Variants in NTN1 observed in about 807,000 individuals in gnomAD.
NTN1 encodes netrin-1.
Under a neutral mutation model 54.2 loss-of-function variants are expected in NTN1, and 11 were observed. The ratio of observed to expected loss-of-function variants is 0.20; its 90% CI spans 0.13 to 0.34. NTN1 has a LOEUF of 0.34. Ranked by LOEUF, NTN1 falls within the 10% of genes least tolerant of loss-of-function variation. The pLI is 1.00. For missense variants in NTN1, 740 were observed against 893.1 expected (o/e 0.83, Z 2.18); for synonymous variants, 371 against 382.0 (o/e 0.97, Z 0.33).
chr17:9,093,056 C>A (rs1343522885), intron 2 of NTN1, among the ~76,000 whole-genome samples: 1 of 152,206 alleles, frequency 6.6e-6, no homozygotes, highest in Non-Finnish European at 1.5e-5. Context: ...CTGCGCCCAG[C>A]CAATTTTTGT....
chr17:9,010,384 C>T, the NTN1 span, among the ~76,000 whole-genome samples: 1 of 152,282 alleles, frequency 6.6e-6, no homozygotes, highest in East Asian at 1.9e-4. Context: ...TACCTTAATA[C>T]AAACAGCAAG....
rs180882997 is a variant in NTN1 at position 9,163,419 on chromosome 17, A to T, written c.1207+418A>T. On this transcript the variant is annotated intron_variant, in intron 3 of 6. Coordinates refer to ENST00000173229, the MANE Select transcript of NTN1 (RefSeq NM_004822.3). ...TTGGGACAAAGGACTCTCTTTCACC[A>T]AATGCACGCAGACTCACTTCTTTGG... Among the ~76,000 whole-genome samples the T allele has an allele frequency of 2.2e-5, 3 of 133,350 alleles. No individual in the cohort carries two copies. The Admixed American group carries it at 2.4e-4, about 11-fold the overall frequency. 87.5% of individuals were successfully genotyped at this position (133,350 alleles called of 152,430 possible).
At chr17:9,154,902 A>C (rs1411836605) in intron 2 of NTN1, among the ~76,000 whole-genome samples, 1 of 152,042 alleles carries the variant, frequency 6.6e-6, no homozygotes, top group Non-Finnish European at 1.5e-5. Flanking sequence ...CCTCCTTGCA[A>C]AGGCTCTCTG....
intron 2 of NTN1, among the ~76,000 whole-genome samples, chr17:9,079,074 C>T (rs2092061315): frequency 6.6e-6 from 1 of 152,160 alleles, no homozygotes; most frequent in Admixed American, 6.5e-5. Context: ...GGGAGAAGAC[C>T]CATGGGCAGG....
At chr17:9,111,519 G>A (rs2092190621) in intron 2 of NTN1, among the ~76,000 whole-genome samples, 1 of 152,108 alleles carries the variant, frequency 6.6e-6, no homozygotes, top group African/African-American at 2.4e-5. Flanking sequence ...TTCCCCCAGA[G>A]AGGAGAGGCA....
At chr17:9,179,689 A>G (rs948934359) in intron 3 of NTN1, 118 bp from the exon 4 acceptor site, 3 of 1,292,390 alleles carry the variant, frequency 2.3e-6, no homozygotes, top group Non-Finnish European at 3.2e-6. Flanking sequence ...CCTGCTCCCC[A>G]TCGCTGCTCT....
intron 2 of NTN1, among the ~76,000 whole-genome samples, chr17:9,133,428 C>T (rs1352813770): frequency 6.6e-6 from 1 of 152,186 alleles, no homozygotes; most frequent in Non-Finnish European, 1.5e-5. Context: ...AGGCGACTTG[C>T]TGTGTTTGAG....
chr17:9,167,233 C>T (rs1241428745), intron 3 of NTN1, among the ~76,000 whole-genome samples: 1 of 152,136 alleles, frequency 6.6e-6, no homozygotes, highest in East Asian at 1.9e-4. Flanking sequence ...GTGAATGATA[C>T]TCGTCTTGGA....
chr17:9,141,143 C>T (rs1409360076), intron 2 of NTN1, among the ~76,000 whole-genome samples: 10 of 151,894 alleles, frequency 6.6e-5, no homozygotes, highest in Admixed American at 6.6e-4. Flanking sequence ...ACGTCAGAAG[C>T]TCAAAGAAGA....
At chr17:9,085,424 C>A (rs919860734) in intron 2 of NTN1, among the ~76,000 whole-genome samples, 2 of 152,206 alleles carry the variant, frequency 1.3e-5, no homozygotes, top group African/African-American at 4.8e-5. Flanking sequence ...CATATTCCAT[C>A]GCCTCAGACT....
chr17:9,191,984 A>T (rs1259477574), intron 5 of NTN1, among the ~76,000 whole-genome samples: 2 of 152,100 alleles, frequency 1.3e-5, no homozygotes, highest in African/African-American at 4.8e-5. Context: ...CAAAAAAAAA[A>T]AAAAGTATTA....
intron 2 of NTN1, among the ~76,000 whole-genome samples, chr17:9,057,575 C>G (rs2091983284): frequency 1.3e-5 from 2 of 152,268 alleles, no homozygotes. Context: ...CGGGTATTTT[C>G]CATTCTGTAA....
intron 5 of NTN1, among the ~76,000 whole-genome samples, chr17:9,216,957 G>A (rs1343205494): frequency 2.0e-5 from 3 of 151,726 alleles, no homozygotes; most frequent in Admixed American, 1.3e-4. Flanking sequence ...CAGGAGAATC[G>A]CTTGAACCCA....
At chr17:9,133,615 G>A (rs1412788135) in intron 2 of NTN1, among the ~76,000 whole-genome samples, 1 of 146,258 alleles carries the variant, frequency 6.8e-6, no homozygotes, top group Non-Finnish European at 1.5e-5. Flanking sequence ...TTGAGACAGA[G>A]TCTTGCTCTG....
chr17:9,038,815 T>C (rs2091912048), intron 2 of NTN1, among the ~76,000 whole-genome samples: 1 of 152,198 alleles, frequency 6.6e-6, no homozygotes, highest in East Asian at 1.9e-4. Context: ...TAAACTTACA[T>C]TTCATCTAGT....
intron 3 of NTN1, among the ~76,000 whole-genome samples, chr17:9,163,350 G>C (rs1344364354): frequency 6.6e-6 from 1 of 152,116 alleles, no homozygotes; most frequent in African/African-American, 2.4e-5. Flanking sequence ...GCACAGGTGT[G>C]CTGCATACCA....
Position 9,041,251 on chromosome 17 carries a change from G to A in NTN1, c.1018+17860G>A, listed in dbSNP as rs78196052. 1.0e-2 allele frequency among the ~76,000 whole-genome samples: 1,522 copies of A among 152,228 alleles called. 26 individuals carry two copies. The highest frequency in any genetic ancestry group is 0.032 in the African/African-American group (1,340 of 41,520). On this transcript the variant is annotated intron_variant, in intron 2 of 6. Coordinates refer to ENST00000173229, the MANE Select transcript of NTN1 (RefSeq NM_004822.3). ...ATTCACCCATGGAAAGTGGTTTTTA[G>A]TATGTTCGTCGATTGGTACAACCAT...
At chr17:9,031,559 C>T (rs913398857) in intron 2 of NTN1, among the ~76,000 whole-genome samples, 1 of 152,164 alleles carries the variant, frequency 6.6e-6, no homozygotes, top group Non-Finnish European at 1.5e-5. Context: ...CTTCCCCTTC[C>T]CCAACCTGCA....
chr17:9,231,149 G>A (rs1019854685), intron 6 of NTN1, among the ~76,000 whole-genome samples: 1 of 152,180 alleles, frequency 6.6e-6, no homozygotes, highest in Admixed American at 6.5e-5. Flanking sequence ...TCTCCCCTGG[G>A]ATGAGTGCCT....
Sources: gnomAD v4.1 joint callset for allele counts (sites outside exome capture counted in the v4.1 genomes callset) on GRCh38, gnomAD v4.1.1 for gene constraint, MANE v1.5 for transcripts, NCBI Gene and HGNC (gene_info 2026-07-23, HGNC 2026-07-21) for gene names.